The following TRIM24 variants were observed in gnomAD, a reference collection of about 807,000 sequenced individuals.
The protein encoded by TRIM24 is tripartite motif containing 24, also known as transcription intermediary factor 1-alpha.
TRIM24 carries 29 observed loss-of-function variants against 123.9 expected under a neutral mutation model. The ratio of observed to expected loss-of-function variants is 0.23; its 90% CI spans 0.17 to 0.32. The LOEUF (loss-of-function observed/expected upper bound fraction) is 0.32. Ranked by LOEUF, TRIM24 falls within the 10% of genes least tolerant of loss-of-function variation. The pLI is 1.00. For synonymous variants in TRIM24, 456 were observed against 461.1 expected (o/e 0.99, Z 0.14); for missense variants, 932 against 1,295.3 (o/e 0.72, Z 4.31).
intron 2 of TRIM24, among the ~76,000 whole-genome samples, chr7:138,512,470 T>C (rs1246045279): frequency 2.6e-5 from 4 of 152,088 alleles, no homozygotes; most frequent in African/African-American, 7.2e-5. Flanking sequence ...TCCAGGCCTT[T>C]CCATAAATCT....
At position 138,460,619 on chromosome 7, in the gene TRIM24, C is replaced by T. The variant is rs750558601; in HGVS notation, c.71C>T (p.Ser24Leu). ...AASAAASGGP[S>L]AAPSGENEAE... ...TCGGCTGCGGCCTCCGGGGGGCCCT[C>T]GGCGGCGCCGAGCGGGGAGAACGAG... is the stretch of plus-strand genomic sequence containing the variant. Residue 24 changes from serine to leucine, a missense_variant, in exon 1 of 19, where the codon TCG becomes TTG. Ser to Leu is a moderately radical substitution (Grantham distance 145). Transcript: ENST00000343526. The T allele has an allele frequency of 1.3e-5, 18 of 1,398,488 alleles. No homozygotes were observed. The highest frequency in any genetic ancestry group is 3.0e-5 in the East Asian group (1 of 32,822). 86.6% of individuals were successfully genotyped at this position (1,398,488 alleles called of 1,614,324 possible).
In TRIM24 at chr7:138,554,743, A is replaced by C. The variant is rs1329761229; in HGVS notation, c.1307A>C (p.Lys436Thr). 6.2e-7 allele frequency: 1 copy of C among 1,614,060 alleles called. No individual in the cohort carries two copies. The highest frequency in any genetic ancestry group is 2.2e-5 in the East Asian group (1 of 44,894). Residue 436 changes from lysine (K) to threonine (T), a missense_variant, in exon 9 of 19, where the codon AAG (lysine) becomes ACG (threonine). Lys to Thr is a moderately conservative substitution (Grantham distance 78). Coordinates refer to ENST00000343526, the MANE Select transcript of TRIM24 (RefSeq NM_015905.3). The surrounding 1 kb of genome is among the most constrained non-coding windows in gnomAD (Gnocchi z 4.5). ...EDKESQPQMPKQNPVVEQNSQ... is the reference protein window; with the variant it reads ...EDKESQPQMPTQNPVVEQNSQ... Reference sequence around the variant, plus strand: ...AAAGAGAGCCAGCCACAAATGCCTAAGCAGAATCCTGTCGTGGAACAGAAT... The same window carrying C: ...AAAGAGAGCCAGCCACAAATGCCTACGCAGAATCCTGTCGTGGAACAGAAT...
intron 5 of TRIM24, 75 bp downstream of exon 5, chr7:138,525,432 G>A (rs997006998): frequency 6.2e-6 from 5 of 809,594 alleles, no homozygotes; most frequent in African/African-American, 1.8e-5. Flanking sequence ...TTTTCCTTAA[G>A]TCACAGTTAA....
At chr7:138,536,233 G>A (rs1796870291) in intron 6 of TRIM24, among the ~76,000 whole-genome samples, 1 of 152,196 alleles carries the variant, frequency 6.6e-6, no homozygotes, top group Non-Finnish European at 1.5e-5. Flanking sequence ...GTCATTCTCT[G>A]TCCAGCTTTG....
At chr7:138,574,201 T>C (rs1288754173) in intron 12 of TRIM24, among the ~76,000 whole-genome samples, 1 of 152,232 alleles carries the variant, frequency 6.6e-6, no homozygotes, top group African/African-American at 2.4e-5. Context: ...TTGCCTAGGG[T>C]CAAAATGTAT....
intron 9 of TRIM24, among the ~76,000 whole-genome samples, chr7:138,555,932 G>A (rs916944342): frequency 1.5e-4 from 23 of 152,086 alleles, no homozygotes; most frequent in African/African-American, 4.6e-4. Context: ...CTTACATACC[G>A]TAGCACATTA....
chr7:138,529,672 T>C (rs927353204), intron 6 of TRIM24, among the ~76,000 whole-genome samples: 12 of 152,212 alleles, frequency 7.9e-5, no homozygotes, highest in Non-Finnish European at 1.6e-4. Flanking sequence ...CAACATTTTG[T>C]AATTGTAATT....
At chr7:138,543,112 T>TA (rs1364461422) in intron 7 of TRIM24, among the ~76,000 whole-genome samples, 1 of 152,188 alleles carries the variant, frequency 6.6e-6, no homozygotes, top group Non-Finnish European at 1.5e-5. Flanking sequence ...CTTATCAATT[T>TA]AAAAATGTGT....
At position 138,465,034 on chromosome 7, in the gene TRIM24, C is replaced by G. The variant is rs140170975; in HGVS notation, c.364+4122C>G. ...TTCATGGGGAAAAAAAATCCTAACA[C>G]ATTTTTCTTACAAAAGTAAACATAA... is the stretch of plus-strand genomic sequence containing the variant. On this transcript the variant is annotated intron_variant, in intron 1 of 18. Coordinates refer to ENST00000343526, the MANE Select transcript of TRIM24 (RefSeq NM_015905.3). Among the ~76,000 whole-genome samples the G allele has an allele frequency of 2.0e-5, 3 of 152,254 alleles. No individual in the cohort carries two copies. The East Asian group carries it at 5.8e-4, about 29-fold the overall frequency.
rs373396960 is a variant in TRIM24 at position 138,491,962 on chromosome 7, G to T, written c.365-12328G>T. 1.8e-3 allele frequency among the ~76,000 whole-genome samples: 247 copies of T among 139,994 alleles called. 1 individual carries two copies. Among genetic ancestry groups the T allele is most frequent in the African/African-American group, 5.3e-3 (206 of 38,992 alleles). The allele number at this position is 139,994 out of a possible 152,430, so 91.8% of individuals were successfully genotyped here. ...GCTTGTTGGTTGCTGTTTTTTTTTT[G>T]ATCTTCTTTGGAGAAATGTCAGATA... On this transcript the variant is annotated intron_variant, in intron 1 of 18. Coordinates refer to ENST00000343526, the MANE Select transcript of TRIM24 (RefSeq NM_015905.3).
At chr7:138,484,436 T>G (rs1452897813) in intron 1 of TRIM24, among the ~76,000 whole-genome samples, 1 of 151,918 alleles carries the variant, frequency 6.6e-6, no homozygotes, top group African/African-American at 2.4e-5. Context: ...TAATATACTT[T>G]TTCTTATGTA....
At chr7:138,565,234 T>C (rs1400986094) in intron 9 of TRIM24, among the ~76,000 whole-genome samples, 1 of 152,100 alleles carries the variant, frequency 6.6e-6, no homozygotes. Flanking sequence ...GCCACTCTCA[T>C]GTCCTGGGTT....
chr7:138,584,383 C>T (rs995653166), intron 18 of TRIM24, among the ~76,000 whole-genome samples: 1 of 152,130 alleles, frequency 6.6e-6, no homozygotes, highest in Non-Finnish European at 1.5e-5. Flanking sequence ...AGACTTAGAA[C>T]CTTTTGCTGC....
chr7:138,566,481 T>G (rs912559345), intron 9 of TRIM24, among the ~76,000 whole-genome samples: 1 of 151,954 alleles, frequency 6.6e-6, no homozygotes, highest in Non-Finnish European at 1.5e-5. Flanking sequence ...GGAACAAGAC[T>G]CCATCTCAAA....
chr7:138,519,389 A>G (rs766308469), intron 4 of TRIM24, 68 bp downstream of exon 4: 9 of 1,507,808 alleles, frequency 6.0e-6, no homozygotes, highest in Non-Finnish European at 8.0e-6. Flanking sequence ...ACTGCTGCCA[A>G]CCCTCATCAA....
chr7:138,562,892 G>C (rs1242154544), intron 9 of TRIM24, among the ~76,000 whole-genome samples: 1 of 152,158 alleles, frequency 6.6e-6, no homozygotes, highest in Middle Eastern at 3.2e-3. Flanking sequence ...AAAGCAATCT[G>C]TGCTTGCAGT....
chr7:138,491,702 G>C (rs1795786428), intron 1 of TRIM24, among the ~76,000 whole-genome samples: 1 of 152,188 alleles, frequency 6.6e-6, no homozygotes, highest in Non-Finnish European at 1.5e-5. Flanking sequence ...TATAGGAGTA[G>C]AATGGCTGTT....
At position 138,554,887 on chromosome 7, in the gene TRIM24, T is replaced by G. The variant is rs768574518; in HGVS notation, c.1451T>G (p.Val484Gly). Residue 484 changes from valine (V) to glycine (G), a missense_variant, in exon 9 of 19, where the codon GTG becomes GGG. Physicochemically the swap from Val to Gly is moderately radical, Grantham distance 109. Transcript: ENST00000343526. This position sits in a 1 kb window ranked among gnomAD's most constrained non-coding sequence, Gnocchi z 4.5. Reference sequence around the variant, plus strand: ...CAGGTAATGGCTCAGAGGCAACAGGTGCAACGGAGGCCAGCACCTGTGGGT... The same window carrying G: ...CAGGTAATGGCTCAGAGGCAACAGGGGCAACGGAGGCCAGCACCTGTGGGT... Reference protein sequence around the residue: ...QQQVMAQRQQVQRRPAPVGLP... With the variant: ...QQQVMAQRQQGQRRPAPVGLP... The G allele has an allele frequency of 6.2e-7, 1 of 1,614,104 alleles. No individual in the cohort carries two copies. The highest frequency in any genetic ancestry group is 8.5e-7 in the Non-Finnish European group (1 of 1,179,998).
chr7:138,566,911 G>A (rs974538131), intron 9 of TRIM24, among the ~76,000 whole-genome samples: 5 of 151,992 alleles, frequency 3.3e-5, no homozygotes, highest in Admixed American at 3.3e-4. Flanking sequence ...ATGCCTTATT[G>A]TCTTTGTTAA....
Sources: allele counts gnomAD v4.1 joint callset (sites outside exome capture counted in the v4.1 genomes callset), GRCh38; gene constraint gnomAD v4.1.1; non-coding constraint Gnocchi (gnomAD v3.1); transcripts MANE v1.5; gene names NCBI Gene and HGNC (gene_info 2026-07-23, HGNC 2026-07-21).